Variants in TUSC3 observed in about 807,000 individuals in gnomAD.
TUSC3 encodes tumor suppressor candidate 3, also known as dolichyl-diphosphooligosaccharide--protein glycosyltransferase subunit TUSC3.
Under a neutral mutation model 44.8 loss-of-function variants are expected in TUSC3, and 45 were observed. The observed-to-expected ratio is 1.00, with a 90% confidence interval of 0.79 to 1.29. The LOEUF (loss-of-function observed/expected upper bound fraction) is 1.29, where lower values mean the gene tolerates loss of function less well. Ranked by LOEUF, TUSC3 falls within the 50% of genes most tolerant of loss-of-function variation. The pLI is 0.00. For synonymous variants in TUSC3, 212 were observed against 152.9 expected (o/e 1.39, Z -2.85); for missense variants, 519 against 437.9 (o/e 1.19, Z -1.65).
At chr8:15,711,283 C>A (rs1367331242) in intron 6 of TUSC3, among the ~76,000 whole-genome samples, 1 of 151,630 alleles carries the variant, frequency 6.6e-6, no homozygotes, top group Non-Finnish European at 1.5e-5. Flanking sequence ...TTGTAGGATT[C>A]CTAGAATTTC....
intron 2 of TUSC3, among the ~76,000 whole-genome samples, chr8:15,636,670 A>G (rs939133846): frequency 6.6e-6 from 1 of 152,188 alleles, no homozygotes; most frequent in African/African-American, 2.4e-5. Flanking sequence ...TTTGCTGAAC[A>G]TTTGCAGTGC....
the TUSC3 span, among the ~76,000 whole-genome samples, chr8:15,805,381 G>C: frequency 1.3e-5 from 2 of 152,072 alleles, no homozygotes; most frequent in Non-Finnish European, 1.5e-5. Context: ...AATAAAAGTG[G>C]TTGAGAGTGG....
At chr8:15,744,921 C>G (rs1166899246) in intron 8 of TUSC3, among the ~76,000 whole-genome samples, 1 of 151,974 alleles carries the variant, frequency 6.6e-6, no homozygotes, top group East Asian at 1.9e-4. Context: ...TAGTACCAAA[C>G]AGGTGATTTT....
chr8:15,495,963 A>G (rs1462480617), intron 2 of TUSC3, among the ~76,000 whole-genome samples: 3 of 152,150 alleles, frequency 2.0e-5, no homozygotes, highest in African/African-American at 4.8e-5. Context: ...TGCATTTAAT[A>G]AAAATATTGC....
At chr8:15,590,000 A>G (rs1318420196) in intron 1 of TUSC3, among the ~76,000 whole-genome samples, 1 of 152,174 alleles carries the variant, frequency 6.6e-6, no homozygotes, top group Non-Finnish European at 1.5e-5. Context: ...TTTGTCTGTA[A>G]TTTCATAATG....
chr8:15,794,407 C>T, the TUSC3 span, among the ~76,000 whole-genome samples: 2 of 152,080 alleles, frequency 1.3e-5, no homozygotes, highest in Non-Finnish European at 2.9e-5. Flanking sequence ...GATGATTCCT[C>T]CCAAATAGAG....
At chr8:15,731,505 C>A (rs76324503) in intron 7 of TUSC3, among the ~76,000 whole-genome samples, 4,150 of 152,134 alleles carry the variant, frequency 0.027, 176 homozygotes, top group African/African-American at 0.095. Context: ...AGGTGTAAAT[C>A]TTTAACTATC....
At chr8:15,780,886 T>G in the TUSC3 span, among the ~76,000 whole-genome samples, 14 of 152,176 alleles carry the variant, frequency 9.2e-5, no homozygotes, top group African/African-American at 2.4e-4. Context: ...ATAGAGGGTA[T>G]GCAACCATTT....
At chr8:15,573,472 C>A (rs550360881) in intron 1 of TUSC3, among the ~76,000 whole-genome samples, 6 of 151,774 alleles carry the variant, frequency 4.0e-5, no homozygotes, top group African/African-American at 1.5e-4. Flanking sequence ...TAGAAGGAGC[C>A]CAGTGGGTTT....
intron 2 of TUSC3, among the ~76,000 whole-genome samples, chr8:15,643,714 G>A (rs1236051385): frequency 1.3e-5 from 2 of 152,070 alleles, no homozygotes; most frequent in Non-Finnish European, 2.9e-5. Context: ...AGAGGCCTTA[G>A]GTCTACTTAA....
rs150853858 is a variant in TUSC3, at chr8:15,706,530, C to G, written c.799-24136C>G. ...AGATGTCAGAGTCATAATATGAATA[C>G]TTAAAAAGGGTTTGAAGTGTTAATA... is the stretch of plus-strand genomic sequence containing the variant. On this transcript the variant is annotated intron_variant, in intron 6 of 10. Transcript: ENST00000503731. Among the ~76,000 whole-genome samples the G allele has an allele frequency of 3.4e-3, 519 of 152,068 alleles. 7 individuals are homozygous for G. The highest frequency in any genetic ancestry group is 0.024 in the Admixed American group (358 of 15,234).
At chr8:15,524,490 TA>T (rs1479005168) in intron 2 of TUSC3, among the ~76,000 whole-genome samples, 1 of 152,170 alleles carries the variant, frequency 6.6e-6, no homozygotes, top group African/African-American at 2.4e-5. Flanking sequence ...AAATTGATAT[TA>T]AAGCCTATAT....
chr8:15,442,632 A>G (rs4831335), intron 1 of TUSC3, among the ~76,000 whole-genome samples: 15,685 of 152,214 alleles, frequency 0.1, 1,053 homozygotes, highest in Admixed American at 0.21. Flanking sequence ...GTAATTTTCC[A>G]TCCACAGACA....
intron 2 of TUSC3, among the ~76,000 whole-genome samples, chr8:15,517,522 C>CAAAAAAAAAAAAAAA (rs71211049): frequency 5.2e-5 from 4 of 77,574 alleles, no homozygotes; most frequent in African/African-American, 2.5e-4. Context: ...TAGCGTGAGG[C>CAAAAAAAAAAAAAAA]AAAAAAAAAA....
chr8:15,474,686 A>G (rs944253569), intron 1 of TUSC3, among the ~76,000 whole-genome samples: 1 of 152,212 alleles, frequency 6.6e-6, no homozygotes, highest in African/African-American at 2.4e-5. Context: ...GTTAATACGT[A>G]TATTTGTTTT....
chr8:15,513,029 G>A (rs193290861), intron 2 of TUSC3, among the ~76,000 whole-genome samples: 3 of 146,010 alleles, frequency 2.1e-5, no homozygotes, highest in South Asian at 2.2e-4. Context: ...CATGCTGCAC[G>A]TTTAACCCCA....
At chr8:15,816,725 T>C in the TUSC3 span, among the ~76,000 whole-genome samples, 1 of 152,188 alleles carries the variant, frequency 6.6e-6, no homozygotes, top group East Asian at 1.9e-4. Context: ...TTACACCTTT[T>C]CCAATAACCA....
At chr8:15,748,955 A>G (rs545226756) in intron 9 of TUSC3, 25 of 351,258 alleles carry the variant, frequency 7.1e-5, no homozygotes, top group Admixed American at 2.5e-4. Context: ...GTATCTCATA[A>G]GATTTTCACC....
At chr8:15,555,440 G>A (rs1426188224) in intron 1 of TUSC3, among the ~76,000 whole-genome samples, 2 of 150,546 alleles carry the variant, frequency 1.3e-5, no homozygotes, top group African/African-American at 2.4e-5. Flanking sequence ...GGGACCACAG[G>A]CACTTGCCAC....
Sources: allele counts gnomAD v4.1 joint callset (sites outside exome capture counted in the v4.1 genomes callset), GRCh38; gene constraint gnomAD v4.1.1; transcripts MANE v1.5; gene names NCBI Gene and HGNC (gene_info 2026-07-23, HGNC 2026-07-21).